Variants in FHIP1A observed in about 807,000 individuals in gnomAD.
The protein encoded by FHIP1A is FHF complex subunit HOOK interacting protein 1A, also known as FHF complex subunit HOOK-interacting protein 1A.
A neutral mutation model predicts 88.6 loss-of-function variants in FHIP1A; 61 were observed. That is an observed-to-expected ratio of 0.69 (90% CI 0.56 to 0.85). FHIP1A has a LOEUF of 0.85. Among genes scored for constraint, FHIP1A ranks in the 40% least tolerant of loss-of-function variants. The pLI, the probability that FHIP1A is intolerant of heterozygous loss-of-function variation, is 0.00. For missense variants in FHIP1A, 1,154 were observed against 1,273.5 expected, an observed-to-expected ratio of 0.91 and a Z score of 1.43; for synonymous variants, 478 against 496.0, an observed-to-expected ratio of 0.96 and a Z score of 0.48.
chr4:151,574,253 A>G (rs983371626), intron 4 of FHIP1A, among the ~76,000 whole-genome samples: 1 of 152,230 alleles, frequency 6.6e-6, no homozygotes, highest in Non-Finnish European at 1.5e-5. Context: ...TGGGTCTTCA[A>G]TGTGTCTGCT....
intron 2 of FHIP1A, among the ~76,000 whole-genome samples, chr4:151,479,550 T>C (rs182422729): frequency 1.8e-3 from 271 of 152,208 alleles, no homozygotes; most frequent in Admixed American, 3.4e-3. Flanking sequence ...TGAAAACTTA[T>C]TGAATTGTTT....
intron 1 of FHIP1A, among the ~76,000 whole-genome samples, chr4:151,434,134 C>G (rs899362525): frequency 6.6e-6 from 1 of 152,188 alleles, no homozygotes. Context: ...ACTGTAGTTA[C>G]TGTGTAAGAC....
At chr4:151,521,723 A>AT (rs869137577) in intron 3 of FHIP1A, among the ~76,000 whole-genome samples, 1 of 150,060 alleles carries the variant, frequency 6.7e-6, no homozygotes, top group Non-Finnish European at 1.5e-5. Context: ...GTATGTATGT[A>AT]TTTTTTTATT....
At chr4:151,554,870 C>G (rs537512864) in intron 3 of FHIP1A, among the ~76,000 whole-genome samples, 1 of 152,136 alleles carries the variant, frequency 6.6e-6, no homozygotes, top group South Asian at 2.1e-4. Flanking sequence ...ATTTCATATG[C>G]CTTGTAGTTA....
chr4:151,448,465 A>G (rs999496574), intron 1 of FHIP1A, among the ~76,000 whole-genome samples: 1 of 152,038 alleles, frequency 6.6e-6, no homozygotes, highest in Non-Finnish European at 1.5e-5. Flanking sequence ...GTAATTCCCC[A>G]TTATCCCCCT....
chr4:151,518,452 T>G (rs1389628431), intron 3 of FHIP1A, among the ~76,000 whole-genome samples: 1 of 152,110 alleles, frequency 6.6e-6, no homozygotes, highest in East Asian at 1.9e-4. Context: ...TGACTATATG[T>G]TTTCATATAC....
At chr4:151,538,290 G>C (rs1031550907) in intron 3 of FHIP1A, among the ~76,000 whole-genome samples, 9 of 152,086 alleles carry the variant, frequency 5.9e-5, no homozygotes, top group African/African-American at 2.2e-4. Context: ...AATAATAATA[G>C]TACCCATTTT....
intron 3 of FHIP1A, among the ~76,000 whole-genome samples, chr4:151,520,951 G>A (rs563550059): frequency 6.6e-6 from 1 of 152,268 alleles, no homozygotes; most frequent in African/African-American, 2.4e-5. Context: ...ATTGAAAATG[G>A]GAGTCAGATA....
At chr4:151,624,237 C>T (rs562164574) in intron 7 of FHIP1A, among the ~76,000 whole-genome samples, 89 of 152,298 alleles carry the variant, frequency 5.8e-4, no homozygotes, top group Non-Finnish European at 1.0e-3. Context: ...ACTTCGGGGA[C>T]GGGTAGTCAG....
intron 4 of FHIP1A, among the ~76,000 whole-genome samples, chr4:151,572,594 T>C (rs1251768748): frequency 6.6e-6 from 1 of 152,230 alleles, no homozygotes; most frequent in Non-Finnish European, 1.5e-5. Context: ...TGTGTAGTTA[T>C]TTGGTACATT....
chr4:151,577,759 A>T lies in FHIP1A; in HGVS notation c.415A>T (p.Ile139Phe). 9 of 1,551,894 alleles carry T rather than the reference A, an allele frequency of 5.8e-6. No homozygotes were observed. Among genetic ancestry groups the T allele is most frequent in the Non-Finnish European group, 7.0e-6 (8 of 1,147,034 alleles). ...SHQPLLHHKP[I>F]LKPLMMLLSS... is the part of the protein sequence containing the mutation. Reference sequence around the variant, plus strand: ...CCAGCCTCTGCTGCACCACAAACCCATTCTGAAGCCTCTGATGATGTTGCT... The same window carrying T: ...CCAGCCTCTGCTGCACCACAAACCCTTTCTGAAGCCTCTGATGATGTTGCT... The change falls in exon 5 of 14, where the codon ATT becomes TTT. Residue 139 changes from isoleucine (I) to phenylalanine (F), a missense_variant. Physicochemically the swap from Ile to Phe is conservative, Grantham distance 21. Transcript: ENST00000435205.
chr4:151,411,866 CAACCCTTGGTTCTT>C (rs1452685184), intron 1 of FHIP1A, among the ~76,000 whole-genome samples: 22 of 152,294 alleles, frequency 1.4e-4, no homozygotes, highest in Non-Finnish European at 2.9e-5. Context: ...TAGCAACTTC[CAACCCTTGGTTCTT>C]AGCCCAGGTA....
intron 2 of FHIP1A, among the ~76,000 whole-genome samples, chr4:151,467,357 C>G (rs1222801245): frequency 6.6e-6 from 1 of 152,110 alleles, no homozygotes; most frequent in African/African-American, 2.4e-5. Flanking sequence ...GAAATAGGGA[C>G]ACTTTTACAC....
chr4:151,646,929 T>C (rs1226405763), intron 10 of FHIP1A, among the ~76,000 whole-genome samples, 181 bp downstream of exon 10: 2 of 152,234 alleles, frequency 1.3e-5, no homozygotes, highest in Non-Finnish European at 2.9e-5. Context: ...TCAGTGTTTA[T>C]TGACGTGCCC....
At chr4:151,417,290 T>A (rs572297124) in intron 1 of FHIP1A, among the ~76,000 whole-genome samples, 1 of 152,218 alleles carries the variant, frequency 6.6e-6, no homozygotes, top group South Asian at 2.1e-4. Context: ...ATACACCCTA[T>A]GTAAATGAAG....
chr4:151,602,226 A>G (rs868304201), intron 7 of FHIP1A, among the ~76,000 whole-genome samples: 2 of 152,152 alleles, frequency 1.3e-5, no homozygotes, highest in Non-Finnish European at 2.9e-5. Flanking sequence ...AAAATCAAAT[A>G]TAAGTGTGTT....
chr4:151,628,394 T>G (rs1404531868), intron 7 of FHIP1A, among the ~76,000 whole-genome samples: 1 of 152,160 alleles, frequency 6.6e-6, no homozygotes. Flanking sequence ...CCAAAATAGA[T>G]AGCTCCAAGC....
At chr4:151,572,546 AG>A (rs1186556643) in intron 4 of FHIP1A, among the ~76,000 whole-genome samples, 1 of 152,236 alleles carries the variant, frequency 6.6e-6, no homozygotes, top group Non-Finnish European at 1.5e-5. Flanking sequence ...TGAAAGACAC[AG>A]CTGTTAAGTA....
rs1736933017 is a variant in FHIP1A at position 151,649,651 on chromosome 4, A to G, written c.1610A>G (p.Gln537Arg). 6.4e-7 allele frequency: 1 copy of G among 1,551,658 alleles called. No homozygotes were observed. The highest frequency in any genetic ancestry group is 2.4e-5 in the East Asian group (1 of 40,914). ...GDSPDPEMFLQSLTEEGSVSS... is the reference protein window; with the variant it reads ...GDSPDPEMFLRSLTEEGSVSS... Reference sequence around the variant, plus strand: ...TCCCCCGACCCTGAGATGTTTCTCCAGAGTCTGACGGAGGAGGGCAGTGTG... The same window carrying G: ...TCCCCCGACCCTGAGATGTTTCTCCGGAGTCTGACGGAGGAGGGCAGTGTG... The change falls in exon 11 of 14, where the codon CAG becomes CGG. Residue 537 changes from glutamine to arginine, a missense_variant. By Grantham distance (43) the Gln-to-Arg change is conservative. Coordinates refer to ENST00000435205, the MANE Select transcript of FHIP1A (RefSeq NM_001109977.3).
Sources: gnomAD v4.1 joint callset for allele counts (sites outside exome capture counted in the v4.1 genomes callset) on GRCh38, gnomAD v4.1.1 for gene constraint, MANE v1.5 for transcripts, NCBI Gene and HGNC (gene_info 2026-07-23, HGNC 2026-07-21) for gene names.